Variants in GOLIM4 observed in about 807,000 individuals in gnomAD.
GOLIM4 encodes golgi integral membrane protein 4.
Under a neutral mutation model 107.4 loss-of-function variants are expected in GOLIM4, and 71 were observed. That is an observed-to-expected ratio of 0.66 (90% CI 0.55 to 0.81). The LOEUF (loss-of-function observed/expected upper bound fraction) is 0.81, where lower values mean the gene tolerates loss of function less well. Among genes scored for constraint, GOLIM4 ranks in the 30% least tolerant of loss-of-function variants. The probability of loss-of-function intolerance (pLI) is 0.00; values close to 1 mark genes in which losing one functional copy is unlikely to be tolerated. For missense variants in GOLIM4, 830 were observed against 826.1 expected, an observed-to-expected ratio of 1.00 and a Z score of -0.06; for synonymous variants, 327 against 294.8, an observed-to-expected ratio of 1.11 and a Z score of -1.12.
intron 14 of GOLIM4, among the ~76,000 whole-genome samples, chr3:168,019,497 C>T (rs1483452167): frequency 6.6e-6 from 1 of 152,070 alleles, no homozygotes; most frequent in Admixed American, 6.6e-5. Context: ...TGTCCTAATG[C>T]CTGTTTACAG....
chr3:168,027,932 A>G, intron 11 of GOLIM4, 95 bp from the exon 12 acceptor site: 1 of 758,318 alleles, frequency 1.3e-6, no homozygotes, highest in Non-Finnish European at 2.4e-6. Flanking sequence ...TTTTCTACAG[A>G]CTACAATACC....
At position 168,032,568 on chromosome 3, in the gene GOLIM4, ATGC is replaced by A; in HGVS notation, c.1125_1127del (p.Gln375del). 2.5e-6 allele frequency: 4 copies of A among 1,613,986 alleles called. No homozygotes were observed. Among genetic ancestry groups the A allele is most frequent in the Non-Finnish European group, 3.4e-6 (4 of 1,179,998 alleles). On this transcript the variant is annotated inframe_deletion, in exon 9 of 16. Transcript: ENST00000470487. ...GGAGGTTGGCTGCTTCTCGTTGCTC[ATGC>A]TGCTCTTTCCACTCCCGATCCTGCT...
At chr3:168,041,218 T>G (rs1718980669) in intron 6 of GOLIM4, 174 bp downstream of exon 6, 1 of 539,480 alleles carries the variant, frequency 1.9e-6, no homozygotes, top group Non-Finnish European at 3.3e-6. Flanking sequence ...TCAGACCATC[T>G]TTTAGCTTAC....
chr3:168,067,954 G>T (rs2108274686), intron 1 of GOLIM4, among the ~76,000 whole-genome samples: 1 of 151,982 alleles, frequency 6.6e-6, no homozygotes, highest in Admixed American at 6.6e-5. Context: ...TTTTTTTAAT[G>T]AATCTGAACA....
chr3:168,059,900 G>T (rs1720165485), intron 1 of GOLIM4, among the ~76,000 whole-genome samples: 1 of 152,082 alleles, frequency 6.6e-6, no homozygotes, highest in Admixed American at 6.5e-5. Context: ...TTCCAAAATA[G>T]AGGGAGTAAC....
rs147806885 is a variant in GOLIM4 at position 168,057,355 on chromosome 3, G to A, written c.188-8990C>T. On this transcript the variant is annotated intron_variant, in intron 1 of 15. Transcript: ENST00000470487. ...TACACTGAATTGTAGTCATGTATTA[G>A]TCTATTCTCATACTGCTATACAGAT... Among the ~76,000 whole-genome samples, 434 of 152,290 alleles carry A rather than the reference G, an allele frequency of 2.8e-3. 4 individuals carry two copies. The highest frequency in any genetic ancestry group is 1.0e-2 in the African/African-American group (415 of 41,556).
rs745850643 is a variant in GOLIM4 at position 168,024,526 on chromosome 3, C to A, written c.1860G>T (p.Glu620Asp). The change falls in exon 14 of 16, where the codon GAG becomes GAT. Residue 620 changes from glutamate (E) to aspartate (D), a missense_variant and splice_region_variant. Transcript: ENST00000470487. ...DEQYQEEAEE[E>D]VQEDLTEEKK... ...GTCTCTGGGATTCAATCCTTACTAC[C>A]TCCTCTTCTGCCTCTTCCTGGTACT... The A allele has an allele frequency of 1.1e-5, 18 of 1,602,482 alleles. No individual in the cohort carries two copies. In the Admixed American group the frequency reaches 3.0e-4, roughly 27 times the overall value.
intron 8 of GOLIM4, among the ~76,000 whole-genome samples, chr3:168,033,647 C>T (rs564128915): frequency 3.1e-3 from 396 of 127,260 alleles, no homozygotes; most frequent in African/African-American, 0.011. Context: ...AAAAAGAATG[C>T]CATTACTAAT....
intron 12 of GOLIM4, among the ~76,000 whole-genome samples, chr3:168,025,433 C>CA (rs1042512693): frequency 4.7e-5 from 7 of 148,746 alleles, no homozygotes; most frequent in Admixed American, 2.7e-4. Context: ...GACCAAGTGA[C>CA]AAAAAAAATA....
rs561132614 is a variant in GOLIM4 at position 168,049,756 on chromosome 3, T to G, written c.188-1391A>C. On this transcript the variant is annotated intron_variant, in intron 1 of 15. Coordinates refer to ENST00000470487, the MANE Select transcript of GOLIM4 (RefSeq NM_014498.5). ...CTGCTTAAGGGATTCCCTGCCTCTC[T>G]TCTTGCCCTTTCTCCATTGTTATGA... is the stretch of plus-strand genomic sequence containing the variant. Among the ~76,000 whole-genome samples the G allele has an allele frequency of 1.2e-4, 19 of 152,280 alleles. No individual in the cohort carries two copies. The South Asian group carries it at 4.0e-3, about 32-fold the overall frequency.
At chr3:168,070,346 T>C (rs1577563042) in intron 1 of GOLIM4, among the ~76,000 whole-genome samples, 1 of 152,166 alleles carries the variant, frequency 6.6e-6, no homozygotes, top group East Asian at 1.9e-4. Context: ...TAAGCCGAGA[T>C]TGCACCACTG....
chr3:168,031,947 GA>G (rs1227201633), intron 9 of GOLIM4, among the ~76,000 whole-genome samples: 1 of 151,988 alleles, frequency 6.6e-6, no homozygotes, highest in Non-Finnish European at 1.5e-5. Context: ...TTTTTTTTAA[GA>G]AAGGGAAAAG....
In GOLIM4 at chr3:168,040,860, T is replaced by TAA. The variant is rs1251448810; in HGVS notation, c.609_610insTT (p.Lys204LeufsTer12). ...TGTTCATGCTCGGAGAGTAAATTCT[T>TAA]ATGCTGTTGCTACACAAAAAAGAAT... On this transcript the variant is annotated frameshift_variant, in exon 7 of 16. Coordinates refer to ENST00000470487, the MANE Select transcript of GOLIM4 (RefSeq NM_014498.5). LOFTEE classifies it high-confidence loss of function. 2 of 1,609,778 alleles carry TAA rather than the reference T, an allele frequency of 1.2e-6. No homozygotes were observed. Among genetic ancestry groups the TAA allele is most frequent in the Non-Finnish European group, 1.7e-6 (2 of 1,176,168 alleles).
At chr3:168,024,696 C>G in intron 13 of GOLIM4, 102 bp from the exon 14 acceptor site, 1 of 996,734 alleles carries the variant, frequency 1.0e-6, no homozygotes, top group Non-Finnish European at 1.6e-6. Context: ...GAAAAGGGCA[C>G]TTTCAAAGCG....
At chr3:168,049,381 A>G (rs954499309) in intron 1 of GOLIM4, among the ~76,000 whole-genome samples, 2 of 152,232 alleles carry the variant, frequency 1.3e-5, no homozygotes, top group African/African-American at 4.8e-5. Context: ...AAGTTAGTGA[A>G]GCAAACAAGT....
chr3:168,031,034 T>C (rs544639256), intron 9 of GOLIM4, among the ~76,000 whole-genome samples: 99 of 152,304 alleles, frequency 6.5e-4, no homozygotes, highest in African/African-American at 2.1e-3. Context: ...AATGAAATCT[T>C]GTCATACGCA....
At chr3:168,033,253 A>T (rs1169566160) in intron 8 of GOLIM4, among the ~76,000 whole-genome samples, 1 of 152,218 alleles carries the variant, frequency 6.6e-6, no homozygotes, top group Non-Finnish European at 1.5e-5. Context: ...AAAGAGAAGG[A>T]TGAAATAAAA....
At chr3:168,075,092 A>T (rs891390002) in intron 1 of GOLIM4, among the ~76,000 whole-genome samples, 5 of 152,128 alleles carry the variant, frequency 3.3e-5, no homozygotes, top group African/African-American at 1.2e-4. Flanking sequence ...TGCCAACCAG[A>T]CTGTTAAAGT....
chr3:168,017,531 T>A (rs546283782), intron 14 of GOLIM4, among the ~76,000 whole-genome samples: 23 of 152,226 alleles, frequency 1.5e-4, no homozygotes, highest in Admixed American at 5.9e-4. Context: ...CATTTCTGTA[T>A]ATGGGAGAAC....
Sources: allele counts gnomAD v4.1 joint callset (sites outside exome capture counted in the v4.1 genomes callset), GRCh38; gene constraint gnomAD v4.1.1; transcripts MANE v1.5; gene names NCBI Gene and HGNC (gene_info 2026-07-23, HGNC 2026-07-21).